The following MYT1L variants were observed in gnomAD, a reference collection of about 807,000 sequenced individuals.
MYT1L encodes myelin transcription factor 1 like, also known as myelin transcription factor 1-like protein.
A neutral mutation model predicts 126.7 loss-of-function variants in MYT1L; 12 were observed. The observed-to-expected ratio is 0.09, with a 90% CI of 0.06 to 0.15. The LOEUF (loss-of-function observed/expected upper bound fraction) is 0.15, where lower values mean the gene tolerates loss of function less well. Ranked by LOEUF, MYT1L falls within the 10% of genes least tolerant of loss-of-function variation. MYT1L has a pLI of 1.00. For missense variants in MYT1L, 979 were observed against 1,585.2 expected (o/e 0.62, Z 6.49); for synonymous variants, 541 against 604.2 (o/e 0.90, Z 1.53).
Position 1,978,209 on chromosome 2 carries a change from C to T in MYT1L, c.152+956G>A, listed in dbSNP as rs1424067515. 2.6e-5 allele frequency among the ~76,000 whole-genome samples: 4 copies of T among 152,304 alleles called. No homozygotes were observed. In the East Asian group the frequency reaches 5.8e-4, roughly 22 times the overall value. On this transcript the variant is annotated intron_variant, in intron 8 of 24. Transcript: ENST00000647738. The stretch of plus-strand genomic sequence containing the variant: ...GTTTCACTAAAAAGGAAATGGAATG[C>T]AAGGCCGTGAGGAGAGGCCTCCCAG...
intron 4 of MYT1L, among the ~76,000 whole-genome samples, chr2:2,052,891 A>G (rs1452621816): frequency 1.3e-5 from 2 of 152,210 alleles, no homozygotes; most frequent in Non-Finnish European, 2.9e-5. Context: ...TGAACAAATT[A>G]AAAATAAAAT....
At chr2:2,016,338 C>T (rs145814703) in intron 4 of MYT1L, among the ~76,000 whole-genome samples, 12 of 152,274 alleles carry the variant, frequency 7.9e-5, no homozygotes, top group Admixed American at 3.9e-4. Flanking sequence ...GAAGACTGGC[C>T]GGGAAGCTGT....
intron 2 of MYT1L, among the ~76,000 whole-genome samples, chr2:2,267,533 A>G (rs1426609574): frequency 6.6e-6 from 1 of 152,170 alleles, no homozygotes; most frequent in Non-Finnish European, 1.5e-5. Flanking sequence ...AGGAATGGAC[A>G]GAAAAAAAAT....
chr2:2,153,662 A>G (rs151015318), intron 3 of MYT1L, among the ~76,000 whole-genome samples: 25 of 152,338 alleles, frequency 1.6e-4, no homozygotes, highest in African/African-American at 5.8e-4. Context: ...GGATTTGGAA[A>G]TTAGAAACTC....
rs1553300436 is a variant in MYT1L at position 1,892,245 on chromosome 2, G to GTGC, written c.2072_2074dup (p.Ser691dup). On this transcript the variant is annotated inframe_insertion, in exon 15 of 25. Transcript: ENST00000647738. The stretch of plus-strand genomic sequence containing the variant: ...GCTGCTGCTGGGCGCGTAGCTGCTG[G>GTGC]TGCTGCTGCTGCTGGGGCTGGGGTC... The GTGC allele has an allele frequency of 1.3e-6, 2 of 1,549,742 alleles. No individual in the cohort carries two copies. Among genetic ancestry groups the GTGC allele is most frequent in the African/African-American group, 1.4e-5 (1 of 73,108 alleles).
In MYT1L at chr2:1,903,288, C is replaced by T; in HGVS notation, c.1824G>A (p.Met608Ile). ...SQASDRVLRP[M>I]CFVKQLEIPQ... ...GAATCTCCAGCTGCTTCACAAAGCA[C>T]ATTGGCCTGGAAGTAAACAAGAAAA... Residue 608 changes from methionine to isoleucine, a missense_variant, in exon 14 of 25, where the codon ATG becomes ATA. Met to Ile is a conservative substitution (Grantham distance 10, BLOSUM62 1). Around this residue, in one of 12 missense-constraint regions of MYT1L, gnomAD observed 82 missense variants for 177.2 expected, o/e 0.46. Transcript: ENST00000647738. 6.2e-7 allele frequency: 1 copy of T among 1,611,996 alleles called. No homozygotes were observed. The highest frequency in any genetic ancestry group is 8.5e-7 in the Non-Finnish European group (1 of 1,178,812).
intron 21 of MYT1L, chr2:1,828,800 A>G (rs150578480): frequency 1.5e-4 from 23 of 152,364 alleles, no homozygotes; most frequent in Admixed American, 1.5e-3. Context: ...CAAAAAATAA[A>G]TAGAACAATT....
chr2:2,032,292 C>T (rs2066404222), intron 4 of MYT1L, among the ~76,000 whole-genome samples: 1 of 128,644 alleles, frequency 7.8e-6, no homozygotes. Flanking sequence ...ACACACATCC[C>T]TCCCCAGTGC....
At chr2:2,286,688 A>C (rs1006800655) in intron 1 of MYT1L, among the ~76,000 whole-genome samples, 1 of 152,176 alleles carries the variant, frequency 6.6e-6, no homozygotes, top group Admixed American at 6.5e-5. Context: ...GGTTTGCTAC[A>C]CTTGGACACA....
At chr2:1,821,733 C>T (rs1481966579) in intron 21 of MYT1L, among the ~76,000 whole-genome samples, 1 of 152,196 alleles carries the variant, frequency 6.6e-6, no homozygotes, top group East Asian at 1.9e-4. Flanking sequence ...GAAGAGGCCC[C>T]TGCTCTGTCT....
intron 4 of MYT1L, among the ~76,000 whole-genome samples, chr2:1,998,835 C>T (rs1324804701): frequency 4.6e-5 from 7 of 152,072 alleles, no homozygotes; most frequent in Admixed American, 1.3e-4. Flanking sequence ...AATTCCTACC[C>T]GCCTTTGGAT....
At chr2:2,286,609 C>T (rs188796144) in intron 1 of MYT1L, among the ~76,000 whole-genome samples, 3 of 152,246 alleles carry the variant, frequency 2.0e-5, no homozygotes, top group East Asian at 1.9e-4. Flanking sequence ...AGTTTCTACT[C>T]GGGTTAAAGT....
chr2:2,248,586 G>T (rs140738628), intron 2 of MYT1L, among the ~76,000 whole-genome samples: 1 of 152,078 alleles, frequency 6.6e-6, no homozygotes, highest in East Asian at 1.9e-4. Flanking sequence ...AAAAATACAG[G>T]CCAATATGTC....
intron 9 of MYT1L, among the ~76,000 whole-genome samples, chr2:1,928,914 G>T (rs551317061): frequency 2.0e-5 from 3 of 152,254 alleles, no homozygotes; most frequent in African/African-American, 7.2e-5. Flanking sequence ...TGGGAAGCCT[G>T]AGGGATCTGC....
chr2:1,934,217 T>G (rs566548398), intron 9 of MYT1L, among the ~76,000 whole-genome samples: 185 of 150,556 alleles, frequency 1.2e-3, no homozygotes, highest in East Asian at 4.9e-3. Flanking sequence ...CTCGTGATCC[T>G]CCCGCCTTGG....
chr2:1,979,855 T>A lies in MYT1L; in HGVS notation c.1-78A>T. The A allele has an allele frequency of 7.0e-7, 1 of 1,430,566 alleles. No homozygotes were observed. The highest frequency in any genetic ancestry group is 9.8e-7 in the Non-Finnish European group (1 of 1,022,202). The allele number at this position is 1,430,566 out of a possible 1,614,324, so 88.6% of individuals were successfully genotyped here. On this transcript the variant is annotated intron_variant, in intron 5 of 24. Coordinates refer to ENST00000647738, the MANE Select transcript of MYT1L (RefSeq NM_001303052.2). This position sits in a 1 kb window ranked among gnomAD's most constrained non-coding sequence, Gnocchi z 4.0. ...CCCTGCAGGGGCGGCTCACTCTCCCTGGCATTCTATTAATGGGGCTTTAAT... is the reference window on the plus strand; with the variant it reads ...CCCTGCAGGGGCGGCTCACTCTCCCAGGCATTCTATTAATGGGGCTTTAAT...
intron 21 of MYT1L, chr2:1,826,938 C>T (rs999997482): frequency 3.3e-5 from 5 of 152,144 alleles, no homozygotes; most frequent in Non-Finnish European, 7.3e-5. Context: ...TGACTGAGTC[C>T]TGCTTTCTCC....
At chr2:2,282,369 G>A (rs1432726206) in intron 2 of MYT1L, among the ~76,000 whole-genome samples, 1 of 152,178 alleles carries the variant, frequency 6.6e-6, no homozygotes, top group East Asian at 1.9e-4. Context: ...CTAAATTTGT[G>A]CTATGAGATT....
chr2:1,911,149 C>A (rs943133357), intron 12 of MYT1L, among the ~76,000 whole-genome samples: 3 of 152,178 alleles, frequency 2.0e-5, no homozygotes, highest in East Asian at 1.9e-4. Flanking sequence ...ACCTCTCCAA[C>A]CTATCGATCA....
Sources: gnomAD v4.1 joint callset for allele counts (sites outside exome capture counted in the v4.1 genomes callset) on GRCh38, gnomAD v4.1.1 for gene constraint, gnomAD v4.1.1 regional missense constraint, Gnocchi (gnomAD v3.1) non-coding constraint, MANE v1.5 for transcripts, NCBI Gene and HGNC (gene_info 2026-07-23, HGNC 2026-07-21) for gene names.